ATP7B: variants seen among roughly 807,000 people sequenced by gnomAD.
ATP7B encodes the protein ATPase copper transporting beta, also known as copper-transporting ATPase 2.
A neutral mutation model predicts 118.9 loss-of-function variants in ATP7B; 113 were observed. The ratio of observed to expected loss-of-function variants is 0.95; its 90% CI spans 0.82 to 1.11. The LOEUF is 1.11. ATP7B is among the 50% of genes most tolerant of loss of function. The pLI is 0.00. For synonymous variants in ATP7B, 777 were observed against 727.4 expected, an observed-to-expected ratio of 1.07 and a Z score of -1.10; for missense variants, 1,867 against 1,871.4, an observed-to-expected ratio of 1.00 and a Z score of 0.04.
At chr13:51,966,820 G>A in intron 4 of ATP7B, 1 of 1,613,208 alleles carries the variant, frequency 6.2e-7, no homozygotes. Flanking sequence ...GAAGGAGCTA[G>A]GAGTGGGAAT....
chr13:51,949,487 GGA>G (rs1957860730), intron 12 of ATP7B, among the ~76,000 whole-genome samples, 173 bp downstream of exon 12: 1 of 152,186 alleles, frequency 6.6e-6, no homozygotes, highest in South Asian at 2.1e-4. Flanking sequence ...ACCTGCAGAA[GGA>G]GAGTGACTGT....
Position 51,934,987 on chromosome 13 carries a change from A to G in ATP7B, c.4167T>C (p.His1389=), listed in dbSNP as rs746611866. 1 of 1,613,980 alleles carries G rather than the reference A, an allele frequency of 6.2e-7. No individual in the cohort carries two copies. The highest frequency in any genetic ancestry group is 2.2e-5 in the East Asian group (1 of 44,870). Residue 1389 remains histidine, a synonymous_variant, in exon 21 of 21, where the codon CAT becomes CAC. Coordinates refer to ENST00000242839, the MANE Select transcript of ATP7B (RefSeq NM_000053.4). ...PDLERYEAQA[H]GHMKPLTASQ... ...ATGCCGTCAGGGGCTTCATGTGGCC[A>G]TGCGCCTGTGCCTCATACCTCTCCA... is the stretch of plus-strand genomic sequence containing the variant.
intron 2 of ATP7B, among the ~76,000 whole-genome samples, chr13:51,971,272 T>G (rs922355412): frequency 1.3e-5 from 2 of 152,248 alleles, no homozygotes; most frequent in African/African-American, 4.8e-5. Flanking sequence ...CAAATAATTT[T>G]TACTATACAT....
intron 19 of ATP7B, among the ~76,000 whole-genome samples, chr13:51,936,677 C>A (rs1956984676): frequency 6.6e-6 from 1 of 152,084 alleles, no homozygotes; most frequent in African/African-American, 2.4e-5. Context: ...AAGGTGTACG[C>A]TACCACGCCC....
At chr13:52,011,556 C>T (rs1055544760), upstream of ATP7B, 274 of 640,718 alleles carry the variant, frequency 4.3e-4, no homozygotes, top group Middle Eastern at 6.2e-3. Context: ...TTCAAAGTTG[C>T]GCGCCGCCGT....
chr13:51,939,408 G>A (rs1219420362), intron 16 of ATP7B, among the ~76,000 whole-genome samples: 1 of 152,192 alleles, frequency 6.6e-6, no homozygotes, highest in Non-Finnish European at 1.5e-5. Context: ...CTTCGCAGTG[G>A]CTCCCCAAGG....
intron 14 of ATP7B, among the ~76,000 whole-genome samples, chr13:51,943,462 G>T (rs9535797): frequency 0.36 from 54,353 of 152,022 alleles, 11,422 homozygotes; most frequent in Non-Finnish European, 0.48. Context: ...GTTTTTCAAG[G>T]CAATGATGTC....
rs747638528 is a variant in ATP7B, at chr13:51,965,015, C to T, written c.1726G>A (p.Ala576Thr). 1.4e-5 allele frequency: 23 copies of T among 1,614,084 alleles called. No homozygotes were observed. The East Asian group carries it at 1.6e-4, about 11-fold the overall frequency. Residue 576 changes from alanine (A) to threonine (T), a missense_variant, in exon 5 of 21, where the codon GCG (alanine) becomes ACG (threonine). Ala to Thr is a moderately conservative substitution (Grantham distance 58, BLOSUM62 0). Coordinates refer to ENST00000242839, the MANE Select transcript of ATP7B (RefSeq NM_000053.4). ...IELTITGMTC[A>T]SCVHNIESKL... Reference sequence around the variant, plus strand: ...GACTCTATGTTGTGGACACAGGACGCGCAGGTCATCCCTGTGATCTGCAAC... The same window carrying T: ...GACTCTATGTTGTGGACACAGGACGTGCAGGTCATCCCTGTGATCTGCAAC...
intron 19 of ATP7B, among the ~76,000 whole-genome samples, chr13:51,936,325 C>T (rs1278507365): frequency 2.0e-5 from 3 of 152,068 alleles, no homozygotes; most frequent in South Asian, 2.1e-4. Flanking sequence ...CAAGTCACCA[C>T]TAACCACTCA....
Position 52,002,439 on chromosome 13 carries a change from G to C in ATP7B, c.51+8848C>G, listed in dbSNP as rs538767313. On this transcript the variant is annotated intron_variant, in intron 1 of 20. Transcript: ENST00000242839. Reference sequence around the variant, plus strand: ...TAATTATCTGGGCATGGTGGCACATGCCTGCAGTCCCAACTACTCGAGAAG... The same window carrying C: ...TAATTATCTGGGCATGGTGGCACATCCCTGCAGTCCCAACTACTCGAGAAG... 9.4e-5 allele frequency among the ~76,000 whole-genome samples: 14 copies of C among 148,480 alleles called. No individual in the cohort carries two copies. The South Asian group carries it at 3.1e-3, about 33-fold the overall frequency.
intron 5 of ATP7B, among the ~76,000 whole-genome samples, chr13:51,963,865 A>G (rs900847358): frequency 5.9e-5 from 9 of 152,166 alleles, no homozygotes; most frequent in South Asian, 2.1e-4. Context: ...CGGCCTGGCC[A>G]ACATGGCGAA....
At chr13:51,982,050 C>T (rs529573927) in intron 1 of ATP7B, among the ~76,000 whole-genome samples, 3 of 145,840 alleles carry the variant, frequency 2.1e-5, no homozygotes, top group South Asian at 2.2e-4. Context: ...TTAGTGTTAG[C>T]GTATTTTATG....
chr13:51,944,129 C>T lies in ATP7B; in HGVS notation c.3223G>A (p.Val1075Ile). 1 of 1,614,140 alleles carries T rather than the reference C, an allele frequency of 6.2e-7. No individual in the cohort carries two copies. Among genetic ancestry groups the T allele is most frequent in the Non-Finnish European group, 8.5e-7 (1 of 1,180,026 alleles). Residue 1075 changes from valine (V) to isoleucine (I), a missense_variant, in exon 14 of 21, where the codon GTC becomes ATC. Val to Ile is a conservative substitution (Grantham distance 29). Coordinates refer to ENST00000242839, the MANE Select transcript of ATP7B (RefSeq NM_000053.4). ...ASSEHPLGVA[V>I]TKYCKEELGT... Reference sequence around the variant, plus strand: ...CGTACCTCTTTACAGTATTTGGTGACTGCCACGCCCAAGGGGTGTTCACTG... The same window carrying T: ...CGTACCTCTTTACAGTATTTGGTGATTGCCACGCCCAAGGGGTGTTCACTG...
intron 1 of ATP7B, 118 bp downstream of exon 1, chr13:52,011,169 G>C: frequency 2.1e-6 from 3 of 1,431,646 alleles, no homozygotes; most frequent in Non-Finnish European, 3.0e-6. Flanking sequence ...CCTGGAGCTG[G>C]GGTCTGGCTC....
chr13:51,998,368 A>G (rs2140473379), intron 1 of ATP7B, among the ~76,000 whole-genome samples: 2 of 152,366 alleles, frequency 1.3e-5, no homozygotes, highest in South Asian at 4.1e-4. Context: ...CATGGTGATG[A>G]ACAATATCAG....
rs1566599732 is a variant in ATP7B, at chr13:51,974,569, T to G, written c.651A>C (p.Leu217Phe). ...EAAIKSKVAP[L>F]SLGPIDIERL... ...GCTCAATATCAATTGGTCCCAGGCT[T>G]AAGGGAGCCACTTTGCTCTTGATGG... The change falls in exon 2 of 21, where the codon TTA becomes TTC. Residue 217 changes from leucine to phenylalanine, a missense_variant. Physicochemically the swap from Leu to Phe is conservative, Grantham distance 22. Coordinates refer to ENST00000242839, the MANE Select transcript of ATP7B (RefSeq NM_000053.4). 1 of 1,614,166 alleles carries G rather than the reference T, an allele frequency of 6.2e-7. No homozygotes were observed. The highest frequency in any genetic ancestry group is 8.5e-7 in the Non-Finnish European group (1 of 1,180,014).
upstream of ATP7B, chr13:52,011,460 G>GCGGCT (rs1555304647): frequency 9.3e-6 from 12 of 1,283,612 alleles, no homozygotes; most frequent in Non-Finnish European, 1.3e-5. Flanking sequence ...GGGCATCGGC[G>GCGGCT]CGGCTCGGCT....
intron 1 of ATP7B, among the ~76,000 whole-genome samples, chr13:51,996,553 C>A (rs976936290): frequency 1.3e-5 from 2 of 152,206 alleles, no homozygotes; most frequent in African/African-American, 2.4e-5. Context: ...TTCTTCACAG[C>A]AGAATGTACC....
intron 1 of ATP7B, among the ~76,000 whole-genome samples, chr13:51,980,228 T>C (rs1478500143): frequency 6.6e-6 from 1 of 152,218 alleles, no homozygotes; most frequent in African/African-American, 2.4e-5. Flanking sequence ...CCCTAGTTTA[T>C]CTAATTCCCA....
Sources: allele counts gnomAD v4.1 joint callset (sites outside exome capture counted in the v4.1 genomes callset), GRCh38; gene constraint gnomAD v4.1.1; transcripts MANE v1.5; gene names NCBI Gene and HGNC (gene_info 2026-07-23, HGNC 2026-07-21).